The following RCAN2 variants were observed in gnomAD, a reference collection of about 807,000 sequenced individuals.
The protein encoded by RCAN2 is regulator of calcineurin 2.
A neutral mutation model predicts 23.6 loss-of-function variants in RCAN2; 9 were observed. The observed-to-expected ratio is 0.38, with a 90% confidence interval of 0.23 to 0.67. The LOEUF is 0.67. Among genes scored for constraint, RCAN2 ranks in the 30% least tolerant of loss-of-function variants. The pLI is 0.51. For missense variants in RCAN2, 273 were observed against 302.3 expected (o/e 0.90, Z 0.72); for synonymous variants, 109 against 115.7 (o/e 0.94, Z 0.37).
chr6:46,488,022 C>T (rs961524884), intron 1 of RCAN2, among the ~76,000 whole-genome samples: 6 of 152,158 alleles, frequency 3.9e-5, no homozygotes, highest in African/African-American at 1.4e-4. Flanking sequence ...TGTGACTTTG[C>T]AAACATCACA....
At chr6:46,224,943 C>T (rs1765607449) in intron 4 of RCAN2, among the ~76,000 whole-genome samples, 1 of 151,892 alleles carries the variant, frequency 6.6e-6, no homozygotes, top group African/African-American at 2.4e-5. Context: ...TTCCCCCACC[C>T]CATGACAGGC....
chr6:46,386,118 C>T (rs967285952), intron 2 of RCAN2, among the ~76,000 whole-genome samples: 1 of 151,848 alleles, frequency 6.6e-6, no homozygotes, highest in Non-Finnish European at 1.5e-5. Flanking sequence ...TGCAATCTAC[C>T]CTTCTGACAA....
At chr6:46,238,277 A>T (rs1369592840) in intron 4 of RCAN2, among the ~76,000 whole-genome samples, 1 of 151,974 alleles carries the variant, frequency 6.6e-6, no homozygotes, top group Non-Finnish European at 1.5e-5. Context: ...CACATCGCCG[A>T]CCCCTTACTA....
At chr6:46,340,700 G>A (rs1764289866) in intron 2 of RCAN2, among the ~76,000 whole-genome samples, 1 of 152,182 alleles carries the variant, frequency 6.6e-6, no homozygotes, top group Admixed American at 6.5e-5. Flanking sequence ...GTAAGCCCTC[G>A]AAATTTTAGA....
chr6:46,395,185 C>G (rs373727609), intron 2 of RCAN2, among the ~76,000 whole-genome samples: 14 of 152,220 alleles, frequency 9.2e-5, no homozygotes, highest in South Asian at 2.1e-4. Context: ...ATTCAGGGTG[C>G]AACTCAGGCA....
chr6:46,401,288 T>A (rs1766241932), intron 2 of RCAN2, among the ~76,000 whole-genome samples: 1 of 152,206 alleles, frequency 6.6e-6, no homozygotes, highest in African/African-American at 2.4e-5. Context: ...CAGGGACCAA[T>A]CCACAGAACT....
At chr6:46,329,283 AT>A (rs796802106) in intron 2 of RCAN2, among the ~76,000 whole-genome samples, 7 of 152,282 alleles carry the variant, frequency 4.6e-5, no homozygotes, top group African/African-American at 1.7e-4. Flanking sequence ...TAAAATAAAA[AT>A]TGTGTGCACA....
chr6:46,438,301 A>T (rs1378570551), intron 2 of RCAN2: 1 of 152,266 alleles, frequency 6.6e-6, no homozygotes. Context: ...CCATTGAAGC[A>T]TGGCAGTCAT....
intron 2 of RCAN2, among the ~76,000 whole-genome samples, chr6:46,295,948 A>G (rs1762711042): frequency 6.6e-6 from 1 of 151,644 alleles, no homozygotes; most frequent in African/African-American, 2.4e-5. Flanking sequence ...ATGGAACAGA[A>G]ATGAGCAAAC....
At chr6:46,471,694 T>C (rs984553465) in intron 1 of RCAN2, among the ~76,000 whole-genome samples, 1 of 152,122 alleles carries the variant, frequency 6.6e-6, no homozygotes, top group Non-Finnish European at 1.5e-5. Flanking sequence ...ATGACACTTA[T>C]AGCCATGGGT....
intron 2 of RCAN2, chr6:46,438,663 T>A (rs1456914829): frequency 6.6e-6 from 1 of 152,160 alleles, no homozygotes; most frequent in Non-Finnish European, 1.5e-5. Context: ...GAAAAAATAT[T>A]CCAGAGCCTT....
At chr6:46,376,616 G>T (rs1219393536) in intron 2 of RCAN2, among the ~76,000 whole-genome samples, 1 of 152,102 alleles carries the variant, frequency 6.6e-6, no homozygotes, top group East Asian at 1.9e-4. Flanking sequence ...GGAGGTGGAG[G>T]TTGCAGTGAG....
At chr6:46,246,632 A>G (rs935207425) in intron 4 of RCAN2, 116 bp downstream of exon 4, 1 of 819,082 alleles carries the variant, frequency 1.2e-6, no homozygotes, top group Non-Finnish European at 1.9e-6. Context: ...CAGAGGAATA[A>G]ATCTATTAGA....
chr6:46,267,596 G>A (rs370071160), intron 2 of RCAN2, among the ~76,000 whole-genome samples: 1 of 152,068 alleles, frequency 6.6e-6, no homozygotes, highest in Non-Finnish European at 1.5e-5. Context: ...GAGGTGGGAG[G>A]ATCATTTGAG....
chr6:46,263,521 A>ATGTGTGTGTGTGTGTGTGTGTGTGTG (rs1166873309), intron 2 of RCAN2, among the ~76,000 whole-genome samples: 4 of 105,026 alleles, frequency 3.8e-5, no homozygotes, highest in Non-Finnish European at 5.2e-5. Flanking sequence ...GTATGTGTGT[A>ATGTGTGTGTGTGTGTGTGTGTGTGTG]TGTGTGTGTG....
At chr6:46,405,517 G>C (rs1766373355) in intron 2 of RCAN2, among the ~76,000 whole-genome samples, 1 of 152,206 alleles carries the variant, frequency 6.6e-6, no homozygotes, top group Non-Finnish European at 1.5e-5. Flanking sequence ...CATCAGATTA[G>C]TTAGATACAG....
Position 46,248,583 on chromosome 6 carries a change from C to G in RCAN2, c.399+140G>C, listed in dbSNP as rs906033082. ...CACTAAGCTGTTTCTGTCTGGAAATCATGATGTGGGTCTATTTCTCAGTGA... is the reference window on the plus strand; with the variant it reads ...CACTAAGCTGTTTCTGTCTGGAAATGATGATGTGGGTCTATTTCTCAGTGA... On this transcript the variant is annotated intron_variant, in intron 3 of 4. Coordinates refer to ENST00000371374, the MANE Select transcript of RCAN2 (RefSeq NM_001251974.2). The G allele has an allele frequency of 2.2e-4, 148 of 684,402 alleles. 1 individual carries two copies. In the African/African-American group the frequency reaches 2.6e-3, roughly 12 times the overall value. The allele number at this position is 684,402 out of a possible 1,614,324, so 42.4% of individuals were successfully genotyped here. A position where few individuals can be genotyped will look rare whatever the true frequency, so the allele number is the denominator to read the frequency against.
intron 2 of RCAN2, among the ~76,000 whole-genome samples, chr6:46,270,596 T>C (rs1262005548): frequency 6.6e-6 from 1 of 152,182 alleles, no homozygotes; most frequent in African/African-American, 2.4e-5. Context: ...AGCCCCTCCC[T>C]TTGAATATGG....
intron 2 of RCAN2, among the ~76,000 whole-genome samples, chr6:46,363,179 A>C (rs1237700102): frequency 6.6e-6 from 1 of 152,180 alleles, no homozygotes. Context: ...GAAATGAATA[A>C]TTCATCATTT....
Sources: gnomAD v4.1 joint callset for allele counts (sites outside exome capture counted in the v4.1 genomes callset) on GRCh38, gnomAD v4.1.1 for gene constraint, MANE v1.5 for transcripts, NCBI Gene and HGNC (gene_info 2026-07-23, HGNC 2026-07-21) for gene names.